Variants in OSBP2 observed in about 807,000 individuals in gnomAD.
OSBP2 encodes the protein oxysterol binding protein 2.
Under a neutral mutation model 96.0 loss-of-function variants are expected in OSBP2, and 66 were observed. The ratio of observed to expected loss-of-function variants is 0.69; its 90% CI spans 0.56 to 0.84. The LOEUF is 0.84. Among genes scored for constraint, OSBP2 ranks in the 40% least tolerant of loss-of-function variants. The pLI is 0.00. For missense variants in OSBP2, 1,038 were observed against 1,222.7 expected (o/e 0.85, Z 2.25); for synonymous variants, 525 against 520.9 (o/e 1.01, Z -0.11).
chr22:30,751,071 A>G (rs1422835051), intron 2 of OSBP2, among the ~76,000 whole-genome samples: 1 of 152,106 alleles, frequency 6.6e-6, no homozygotes, highest in Non-Finnish European at 1.5e-5. Context: ...TCAATTGCCA[A>G]TTAGAAAAAA....
intron 3 of OSBP2, among the ~76,000 whole-genome samples, chr22:30,879,349 T>G (rs964500682): frequency 6.6e-6 from 1 of 152,240 alleles, no homozygotes; most frequent in Non-Finnish European, 1.5e-5. Context: ...ATGGTGTTGG[T>G]TCCTGTGTGC....
chr22:30,725,385 G>A (rs540977155), intron 1 of OSBP2, among the ~76,000 whole-genome samples: 1 of 151,766 alleles, frequency 6.6e-6, no homozygotes, highest in Admixed American at 6.6e-5. Flanking sequence ...GCATGCACCT[G>A]TAATCCCAGC....
At chr22:30,861,647 T>C (rs1289709678) in intron 2 of OSBP2, among the ~76,000 whole-genome samples, 1 of 152,162 alleles carries the variant, frequency 6.6e-6, no homozygotes, top group African/African-American at 2.4e-5. Context: ...GCCTGCCTCT[T>C]GTAGAGGAGT....
chr22:30,727,287 C>T (rs2089666611), intron 1 of OSBP2, among the ~76,000 whole-genome samples: 1 of 152,188 alleles, frequency 6.6e-6, no homozygotes, highest in Non-Finnish European at 1.5e-5. Flanking sequence ...AACTGCTTTT[C>T]CTCCTGTCTG....
upstream of OSBP2, chr22:30,693,896 C>T (rs1602130685): frequency 3.3e-6 from 2 of 608,532 alleles, no homozygotes; most frequent in Middle Eastern, 4.5e-4. Flanking sequence ...ACCTGGGAAG[C>T]GGAGGCTGCA....
intron 2 of OSBP2, among the ~76,000 whole-genome samples, chr22:30,796,182 G>A (rs561117166): frequency 1.3e-5 from 2 of 152,190 alleles, no homozygotes; most frequent in South Asian, 4.1e-4. Context: ...TAGGAGGAGA[G>A]TCACACAAGG....
At chr22:30,900,388 G>A (rs2040170057) in intron 12 of OSBP2, among the ~76,000 whole-genome samples, 1 of 151,986 alleles carries the variant, frequency 6.6e-6, no homozygotes, top group Admixed American at 6.6e-5. Flanking sequence ...AATGGAGAAA[G>A]ATATAATGTT....
intron 2 of OSBP2, among the ~76,000 whole-genome samples, chr22:30,750,681 T>C (rs1009573591): frequency 6.6e-6 from 1 of 152,202 alleles, no homozygotes; most frequent in South Asian, 2.1e-4. Flanking sequence ...TGATAAAACT[T>C]TGGTCTCCAC....
chr22:30,704,705 A>T (rs990955392), intron 1 of OSBP2, among the ~76,000 whole-genome samples: 1 of 152,030 alleles, frequency 6.6e-6, no homozygotes, highest in African/African-American at 2.4e-5. Context: ...ACCTCAGGTG[A>T]TCTCAGCCTC....
At chr22:30,892,970 G>T in intron 8 of OSBP2, 152 bp from the exon 9 acceptor site, 3 of 953,348 alleles carry the variant, frequency 3.1e-6, no homozygotes, top group Non-Finnish European at 4.6e-6. Context: ...GCCTGCCTTG[G>T]GTCCATGGCC....
intron 1 of OSBP2, among the ~76,000 whole-genome samples, chr22:30,722,967 G>T (rs1255902994): frequency 2.0e-5 from 3 of 151,344 alleles, no homozygotes; most frequent in Admixed American, 6.6e-5. Flanking sequence ...TTGAATTTTA[G>T]TAAAGACAGG....
chr22:30,825,015 G>A (rs2038367947), intron 2 of OSBP2, among the ~76,000 whole-genome samples: 2 of 152,138 alleles, frequency 1.3e-5, no homozygotes, highest in Non-Finnish European at 2.9e-5. Context: ...GCAAACAAGG[G>A]GAAGCGTGGA....
At chr22:30,801,475 C>T (rs1002210151) in intron 2 of OSBP2, among the ~76,000 whole-genome samples, 1 of 152,148 alleles carries the variant, frequency 6.6e-6, no homozygotes, top group East Asian at 1.9e-4. Flanking sequence ...AATGTTTTGG[C>T]TCCATGATCT....
intron 1 of OSBP2, among the ~76,000 whole-genome samples, chr22:30,714,181 T>A (rs73400353): frequency 6.6e-6 from 1 of 152,178 alleles, no homozygotes; most frequent in Admixed American, 6.5e-5. Flanking sequence ...CATGCTTGGC[T>A]TGTTTTACTT....
At chr22:30,769,385 C>T (rs1287914067) in intron 2 of OSBP2, among the ~76,000 whole-genome samples, 2 of 152,188 alleles carry the variant, frequency 1.3e-5, no homozygotes, top group African/African-American at 2.4e-5. Context: ...CACAGTGGCT[C>T]ACATCTGTAT....
intron 2 of OSBP2, among the ~76,000 whole-genome samples, chr22:30,811,312 AT>A (rs995526445): frequency 1.1e-4 from 16 of 144,282 alleles, no homozygotes; most frequent in South Asian, 4.4e-4. Flanking sequence ...TTCTGATTTT[AT>A]TTTTTTTATT....
intron 2 of OSBP2, among the ~76,000 whole-genome samples, chr22:30,771,910 A>G (rs1448636400): frequency 1.3e-5 from 2 of 152,236 alleles, no homozygotes; most frequent in Non-Finnish European, 2.9e-5. Context: ...TGGAAAGGAC[A>G]GAGGCTGTGC....
At chr22:30,705,693 G>A (rs892134033) in intron 1 of OSBP2, among the ~76,000 whole-genome samples, 1 of 152,174 alleles carries the variant, frequency 6.6e-6, no homozygotes, top group African/African-American at 2.4e-5. Context: ...GTTAATCCAA[G>A]ATTGGGGCCT....
intron 3 of OSBP2, among the ~76,000 whole-genome samples, chr22:30,883,362 T>A (rs554415688): frequency 1.4e-4 from 21 of 152,254 alleles, no homozygotes; most frequent in Non-Finnish European, 2.6e-4. Context: ...AGTCCCGGGA[T>A]GCAGGGGACT....
Sources: gnomAD v4.1 joint callset for allele counts (sites outside exome capture counted in the v4.1 genomes callset) on GRCh38, gnomAD v4.1.1 for gene constraint, MANE v1.5 for transcripts, NCBI Gene and HGNC (gene_info 2026-07-23, HGNC 2026-07-21) for gene names.